Variants in UQCC4 observed in about 807,000 individuals in gnomAD.
UQCC4 encodes cattle cerebrum and skeletal muscle-specific protein 1 family member.
the UQCC4 span, chr16:1,420,700 C>A: frequency 6.5e-7 from 1 of 1,544,110 alleles, no homozygotes; most frequent in Non-Finnish European, 8.7e-7. Flanking sequence ...ACCCGGCCGC[C>A]GGGGCACACA....
At chr16:1,420,331 A>T in the UQCC4 span, 1 of 1,614,130 alleles carries the variant, frequency 6.2e-7, no homozygotes, top group South Asian at 1.1e-5. Flanking sequence ...CACCTGTCTC[A>T]ACCACTGGTC....
chr16:1,420,342 C>T, the UQCC4 span: 7 of 1,614,096 alleles, frequency 4.3e-6, no homozygotes, highest in African/African-American at 6.7e-5. Flanking sequence ...ACCACTGGTC[C>T]GCCTCGCTCT....
At chr16:1,419,889 C>T in the UQCC4 span, 2 of 1,390,710 alleles carry the variant, frequency 1.4e-6, no homozygotes, top group Non-Finnish European at 1.9e-6. Flanking sequence ...AAGCAAATTA[C>T]CTGCAAACTA....
the UQCC4 span, chr16:1,420,418 C>T: frequency 1.2e-6 from 2 of 1,614,266 alleles, no homozygotes; most frequent in Non-Finnish European, 1.7e-6. Context: ...CACCTTCCAC[C>T]AGGGCCGCTG....
the UQCC4 span, chr16:1,420,252 TCTCG>T: frequency 6.2e-7 from 1 of 1,613,518 alleles, no homozygotes; most frequent in Non-Finnish European, 8.5e-7. Flanking sequence ...CCCGTCAAGT[TCTCG>T]CTCTGTAGGC....
At chr16:1,420,637 C>T in the UQCC4 span, 27 of 1,549,470 alleles carry the variant, frequency 1.7e-5, no homozygotes, top group Non-Finnish European at 2.1e-5. Context: ...GCAGTAAGCG[C>T]TCCGCCCGCC....
the UQCC4 span, chr16:1,420,513 G>C: frequency 1.2e-6 from 2 of 1,614,214 alleles, no homozygotes; most frequent in Non-Finnish European, 1.7e-6. Context: ...GGTCAGGGTC[G>C]TCCTCTTCCT....
chr16:1,420,577 G>A, the UQCC4 span: 10 of 1,607,078 alleles, frequency 6.2e-6, no homozygotes, highest in Non-Finnish European at 7.6e-6. Flanking sequence ...AAGGCTTCGG[G>A]AAGCCCAGCC....
chr16:1,419,886 T>C, the UQCC4 span: 3 of 1,383,904 alleles, frequency 2.2e-6, no homozygotes, highest in East Asian at 7.8e-5. Flanking sequence ...AGAAAGCAAA[T>C]TACCTGCAAA....
At chr16:1,420,095 C>G in the UQCC4 span, 40 of 1,613,136 alleles carry the variant, frequency 2.5e-5, no homozygotes, top group East Asian at 2.2e-5. Context: ...TCCGCCTTCA[C>G]GCGAATCAGC....
the UQCC4 span, chr16:1,420,616 GA>G: frequency 3.8e-6 from 6 of 1,564,038 alleles, no homozygotes; most frequent in Non-Finnish European, 5.2e-6. Context: ...GACGGCCCTG[GA>G]AGAGAGAGAG....
the UQCC4 span, chr16:1,420,344 C>T: frequency 6.2e-7 from 1 of 1,614,222 alleles, no homozygotes; most frequent in South Asian, 1.1e-5. Context: ...CACTGGTCCG[C>T]CTCGCTCTCC....
chr16:1,420,281 G>A, the UQCC4 span: 1 of 1,613,986 alleles, frequency 6.2e-7, no homozygotes. Flanking sequence ...GGAGTCTCAG[G>A]CTCCTCAGAA....
At chr16:1,420,731 T>C in the UQCC4 span, 4 of 1,537,992 alleles carry the variant, frequency 2.6e-6, no homozygotes, top group Admixed American at 3.9e-5. Context: ...CATTGCTGCC[T>C]TGACTCCTCG....
chr16:1,420,110 C>G, the UQCC4 span: 1 of 1,613,234 alleles, frequency 6.2e-7, no homozygotes, highest in South Asian at 1.1e-5. Context: ...ATCAGCATAG[C>G]CAAGTGCCCC....
At chr16:1,420,291 A>G in the UQCC4 span, 1 of 1,614,108 alleles carries the variant, frequency 6.2e-7, no homozygotes, top group Non-Finnish European at 8.5e-7. Flanking sequence ...GCTCCTCAGA[A>G]CGATCACTGG....
chr16:1,420,422 G>A, the UQCC4 span: 2 of 1,614,268 alleles, frequency 1.2e-6, no homozygotes, highest in Non-Finnish European at 1.7e-6. Context: ...TTCCACCAGG[G>A]CCGCTGATGT....
chr16:1,420,166 G>A, the UQCC4 span: 1 of 1,614,050 alleles, frequency 6.2e-7, no homozygotes, highest in South Asian at 1.1e-5. Context: ...CGCATAGCCA[G>A]GACAGTCACG....
the UQCC4 span, chr16:1,420,737 C>T: frequency 6.5e-7 from 1 of 1,536,776 alleles, no homozygotes; most frequent in Non-Finnish European, 8.7e-7. Flanking sequence ...TGCCTTGACT[C>T]CTCGACTGAC....
Sources: allele counts gnomAD v4.1 joint callset, GRCh38; gene constraint gnomAD v4.1.1; transcripts MANE v1.5; gene names NCBI Gene and HGNC (gene_info 2026-07-23, HGNC 2026-07-21).